GPR149: variants seen among roughly 807,000 people sequenced by gnomAD.
The protein encoded by GPR149 is probable G protein-coupled receptor 149.
Under a neutral mutation model 50.2 loss-of-function variants are expected in GPR149, and 50 were observed. The ratio of observed to expected loss-of-function variants is 1.00; its 90% confidence interval spans 0.79 to 1.26. The LOEUF (loss-of-function observed/expected upper bound fraction) is 1.26, where lower values mean the gene tolerates loss of function less well. Among genes scored for constraint, GPR149 ranks in the 50% most tolerant of loss-of-function variants. The probability of loss-of-function intolerance (pLI) is 0.00; values close to 1 mark genes in which losing one functional copy is unlikely to be tolerated. For missense variants in GPR149, 983 were observed against 895.4 expected, an observed-to-expected ratio of 1.10 and a Z score of -1.25; for synonymous variants, 405 against 358.2, an observed-to-expected ratio of 1.13 and a Z score of -1.48.
intron 3 of GPR149, among the ~76,000 whole-genome samples, chr3:154,360,443 A>G (rs1714351891): frequency 6.6e-6 from 1 of 151,924 alleles, no homozygotes. Context: ...TAAACCAACA[A>G]TTTCACTTAA....
intron 3 of GPR149, among the ~76,000 whole-genome samples, chr3:154,374,339 T>A (rs1445619291): frequency 1.3e-5 from 2 of 151,958 alleles, no homozygotes; most frequent in Non-Finnish European, 2.9e-5. Context: ...GACACCCAGA[T>A]AATTTTTGTA....
rs946905847 is a variant in GPR149 at position 154,335,017 on chromosome 3, G to C, written c.*2682C>G. 1 of 151,930 alleles carries C rather than the reference G, an allele frequency of 6.6e-6. No individual in the cohort carries two copies. The highest frequency in any genetic ancestry group is 1.5e-5 in the Non-Finnish European group (1 of 67,992). 9.4% of individuals were successfully genotyped at this position (151,930 alleles called of 1,614,324 possible). A position where few individuals can be genotyped will look rare whatever the true frequency, so the allele number is the denominator to read the frequency against. On this transcript the variant is annotated 3_prime_UTR_variant, in exon 4 of 4. Coordinates refer to ENST00000389740, the MANE Select transcript of GPR149 (RefSeq NM_001038705.3). Reference sequence around the variant, plus strand: ...TTGCTATCTTCAAAGAGTTGCCTCTGTCAGTCACAACTCTCAGAAGTCTTA... The same window carrying C: ...TTGCTATCTTCAAAGAGTTGCCTCTCTCAGTCACAACTCTCAGAAGTCTTA...
At chr3:154,392,408 A>G (rs1459032585) in intron 3 of GPR149, among the ~76,000 whole-genome samples, 1 of 151,746 alleles carries the variant, frequency 6.6e-6, no homozygotes, top group African/African-American at 2.4e-5. Flanking sequence ...AAACCCCAAC[A>G]TACCTGAACT....
At chr3:154,366,490 T>C (rs1167271262) in intron 3 of GPR149, among the ~76,000 whole-genome samples, 1 of 152,216 alleles carries the variant, frequency 6.6e-6, no homozygotes, top group African/African-American at 2.4e-5. Flanking sequence ...TTAGGAAAGA[T>C]TAACTAAGAG....
chr3:154,427,688 G>A lies in GPR149; in HGVS notation c.1002C>T (p.Asn334=), dbSNP rs767013697. 3.1e-6 allele frequency: 5 copies of A among 1,612,658 alleles called. No individual in the cohort carries two copies. The highest frequency in any genetic ancestry group is 1.3e-5 in the African/African-American group (1 of 74,900). Residue 334 remains asparagine, a synonymous_variant, in exon 2 of 4, where the codon AAC becomes AAT. Coordinates refer to ENST00000389740, the MANE Select transcript of GPR149 (RefSeq NM_001038705.3). ...LPMMMHMVVQ[N]VVGFQSLPLE... is the part of the protein sequence containing the mutation. The stretch of plus-strand genomic sequence containing the variant: ...AGGGAAGGCTCTGAAACCCCACGAC[G>A]TTCTGGACCACCATGTGCATCTGCA...
rs112322398 is a variant in GPR149, at chr3:154,373,044, T to C, written c.1624-34773A>G. Among the ~76,000 whole-genome samples the C allele has an allele frequency of 1.9e-3, 293 of 152,280 alleles. 1 individual carries two copies. Among genetic ancestry groups the C allele is most frequent in the African/African-American group, 6.6e-3 (276 of 41,548 alleles). On this transcript the variant is annotated intron_variant, in intron 3 of 3. Coordinates refer to ENST00000389740, the MANE Select transcript of GPR149 (RefSeq NM_001038705.3). ...CTCAGGAGATATTTTTTCTGGAATA[T>C]ATATTTCAGTAAATATTTGGGTATA...
chr3:154,369,291 A>G (rs904199489), intron 3 of GPR149, among the ~76,000 whole-genome samples: 4 of 152,242 alleles, frequency 2.6e-5, no homozygotes, highest in South Asian at 4.1e-4. Context: ...TTCCTTACAA[A>G]ATGGAGAAAC....
rs1243697901 is a variant in GPR149, at chr3:154,427,622, A to C, written c.1068T>G (p.Thr356=). Residue 356 remains threonine, a synonymous_variant, in exon 2 of 4, where the codon ACT becomes ACG. Coordinates refer to ENST00000389740, the MANE Select transcript of GPR149 (RefSeq NM_001038705.3). The part of the protein sequence containing the change: ...FSFLLTLLAT[T]VTPVFVLSKR... ...TGGACAAGACAAACACTGGGGTTAC[A>C]GTGGTGGCCAGCAGGGTAAGTAGAA... 6.2e-7 allele frequency: 1 copy of C among 1,614,226 alleles called. No individual in the cohort carries two copies. Among genetic ancestry groups the C allele is most frequent in the Non-Finnish European group, 8.5e-7 (1 of 1,180,032 alleles).
intron 3 of GPR149, chr3:154,354,331 C>T (rs879414261): frequency 1.0e-4 from 27 of 257,240 alleles, no homozygotes; most frequent in Admixed American, 6.2e-4. Context: ...AATCCCTTAT[C>T]TGAAATTGCA....
At chr3:154,412,372 G>A (rs542221009) in intron 3 of GPR149, among the ~76,000 whole-genome samples, 33 of 152,170 alleles carry the variant, frequency 2.2e-4, no homozygotes, top group African/African-American at 3.6e-4. Flanking sequence ...GGAAAAAAGG[G>A]CAAATTGGCA....
intron 3 of GPR149, among the ~76,000 whole-genome samples, chr3:154,364,416 C>T (rs1417235904): frequency 6.6e-6 from 1 of 152,136 alleles, no homozygotes; most frequent in Non-Finnish European, 1.5e-5. Context: ...TCAGAATCAA[C>T]TTTAAAGTCT....
At chr3:154,428,327 T>C (rs1712368125) in intron 1 of GPR149, among the ~76,000 whole-genome samples, 1 of 152,150 alleles carries the variant, frequency 6.6e-6, no homozygotes, top group Admixed American at 6.5e-5. Flanking sequence ...ACTCTCTGAT[T>C]TTGCTGTGTG....
intron 1 of GPR149, among the ~76,000 whole-genome samples, chr3:154,428,229 C>T (rs912595348): frequency 1.1e-4 from 17 of 152,190 alleles, no homozygotes; most frequent in Admixed American, 7.2e-4. Context: ...GGGCGTCGTC[C>T]TCTCTAGGCG....
rs1389033524 is a variant in GPR149, at chr3:154,336,628, T to C, written c.*1071A>G. ...CTAGAATTATCTTGAAATGTATACCTTACAATCACTTAATAAAATAGGTTC... is the reference window on the plus strand; with the variant it reads ...CTAGAATTATCTTGAAATGTATACCCTACAATCACTTAATAAAATAGGTTC... On this transcript the variant is annotated 3_prime_UTR_variant, in exon 4 of 4. Transcript: ENST00000389740. The C allele has an allele frequency of 6.6e-6, 1 of 152,102 alleles. No individual in the cohort carries two copies. The highest frequency in any genetic ancestry group is 2.4e-5 in the African/African-American group (1 of 41,444). 9.4% of individuals were successfully genotyped at this position (152,102 alleles called of 1,614,324 possible). A position where few individuals can be genotyped will look rare whatever the true frequency, so the allele number is the denominator to read the frequency against.
rs1713682668 is a variant in GPR149, at chr3:154,337,536, A to G, written c.*163T>C. 2.0e-6 allele frequency: 1 copy of G among 505,068 alleles called. No individual in the cohort carries two copies. The highest frequency in any genetic ancestry group is 3.4e-6 in the Non-Finnish European group (1 of 290,836). 31.3% of individuals were successfully genotyped at this position (505,068 alleles called of 1,614,324 possible). On this transcript the variant is annotated 3_prime_UTR_variant, in exon 4 of 4. Transcript: ENST00000389740. ...TTAGGTAACACATCAAATGCACTTA[A>G]GTGTTTACACTAGTTCCAGTTGTTC...
At chr3:154,403,601 C>T (rs1056413148) in intron 3 of GPR149, among the ~76,000 whole-genome samples, 1 of 151,940 alleles carries the variant, frequency 6.6e-6, no homozygotes, top group Non-Finnish European at 1.5e-5. Context: ...ACATATTTTC[C>T]CATGAACACA....
rs146449138 is a variant in GPR149 at position 154,360,371 on chromosome 3, G to T, written c.1624-22100C>A. 5.1e-3 allele frequency among the ~76,000 whole-genome samples: 773 copies of T among 152,324 alleles called. 7 individuals carry two copies. The highest frequency in any genetic ancestry group is 0.018 in the African/African-American group (749 of 41,556). On this transcript the variant is annotated intron_variant, in intron 3 of 3. Coordinates refer to ENST00000389740, the MANE Select transcript of GPR149 (RefSeq NM_001038705.3). ...TGGCAGTTTAACAAGAATCAAGGCT[G>T]TGGCAACACATTTTCTTGGTAGCCA... is the stretch of plus-strand genomic sequence containing the variant.
intron 3 of GPR149, among the ~76,000 whole-genome samples, chr3:154,351,313 C>CAAAAAAAAAAAAAAA (rs71155003): frequency 4.0e-5 from 3 of 75,528 alleles, no homozygotes; most frequent in African/African-American, 5.2e-5. Flanking sequence ...CATCCACATA[C>CAAAAAAAAAAAAAAA]AAAAAAAAAA....
intron 3 of GPR149, chr3:154,353,074 C>A (rs1714122422): frequency 7.1e-7 from 1 of 1,415,928 alleles, no homozygotes; most frequent in Non-Finnish European, 1.0e-6. Flanking sequence ...TGTGCAATAT[C>A]CCCATGTAAA....
Sources: allele counts gnomAD v4.1 joint callset (sites outside exome capture counted in the v4.1 genomes callset), GRCh38; gene constraint gnomAD v4.1.1; transcripts MANE v1.5; gene names NCBI Gene and HGNC (gene_info 2026-07-23, HGNC 2026-07-21).